Variants in MLIP observed in about 807,000 individuals in gnomAD.
MLIP encodes the protein muscular LMNA-interacting protein.
MLIP carries 79 observed loss-of-function variants against 84.8 expected under a neutral mutation model. The ratio of observed to expected loss-of-function variants is 0.93; its 90% CI spans 0.78 to 1.12. The LOEUF (loss-of-function observed/expected upper bound fraction) is 1.12. Ranked by LOEUF, MLIP falls within the 50% of genes most tolerant of loss-of-function variation. The probability of loss-of-function intolerance (pLI) is 0.00; values close to 1 mark genes in which losing one functional copy is unlikely to be tolerated. For missense variants in MLIP, 1,257 were observed against 1,160.6 expected (o/e 1.08, Z -1.21); for synonymous variants, 504 against 463.0 (o/e 1.09, Z -1.14).
At chr6:54,153,382 G>C (rs1365006652) in intron 5 of MLIP, among the ~76,000 whole-genome samples, 1 of 151,972 alleles carries the variant, frequency 6.6e-6, no homozygotes, top group Non-Finnish European at 1.5e-5. Context: ...GCCCAGGCTA[G>C]ATTTGAAATT....
At chr6:54,026,897 T>C (rs1349784214) in intron 1 of MLIP, among the ~76,000 whole-genome samples, 1 of 152,190 alleles carries the variant, frequency 6.6e-6, no homozygotes, top group Non-Finnish European at 1.5e-5. Context: ...CACTTAACCT[T>C]TGGCTTCTTT....
At chr6:54,145,608 C>T (rs1051934213) in intron 4 of MLIP, among the ~76,000 whole-genome samples, 2 of 148,944 alleles carry the variant, frequency 1.3e-5, no homozygotes, top group Admixed American at 1.4e-4. Context: ...CCCATCTCTA[C>T]AAAAAAAATA....
intron 1 of MLIP, among the ~76,000 whole-genome samples, chr6:54,084,446 G>T (rs1767357495): frequency 6.6e-6 from 1 of 152,110 alleles, no homozygotes; most frequent in Admixed American, 6.5e-5. Context: ...GCAAGGCATT[G>T]CTCTTGCAAT....
At chr6:54,059,244 C>T (rs888351772) in intron 1 of MLIP, among the ~76,000 whole-genome samples, 23 of 152,170 alleles carry the variant, frequency 1.5e-4, no homozygotes, top group African/African-American at 5.3e-4. Flanking sequence ...AAAGACTACA[C>T]TTAGGGCTCA....
At chr6:54,043,487 T>C (rs1184078969) in intron 1 of MLIP, 1 of 152,272 alleles carries the variant, frequency 6.6e-6, no homozygotes, top group Non-Finnish European at 1.5e-5. Context: ...CTACATGTTT[T>C]CGTTCTTGCC....
intron 11 of MLIP, among the ~76,000 whole-genome samples, chr6:54,206,856 C>T (rs905513993): frequency 6.6e-6 from 1 of 152,216 alleles, no homozygotes; most frequent in Non-Finnish European, 1.5e-5. Context: ...CTTTTACTCT[C>T]TCTGAAAAAC....
chr6:54,252,004 CAT>C (rs538293281), intron 12 of MLIP, among the ~76,000 whole-genome samples: 1 of 48,264 alleles, frequency 2.1e-5, no homozygotes, highest in Non-Finnish European at 2.9e-5. Flanking sequence ...TATATTATAA[CAT>C]AATATATAAT....
intron 1 of MLIP, among the ~76,000 whole-genome samples, chr6:54,072,986 T>C (rs1766577410): frequency 6.6e-6 from 1 of 152,198 alleles, no homozygotes; most frequent in Non-Finnish European, 1.5e-5. Context: ...GAAATTTCTG[T>C]AGACTTTTGC....
At chr6:54,034,373 T>C (rs772351947) in intron 1 of MLIP, among the ~76,000 whole-genome samples, 69 of 152,298 alleles carry the variant, frequency 4.5e-4, no homozygotes, top group Non-Finnish European at 8.2e-4. Flanking sequence ...TGCAGTCATG[T>C]GCTGTATGAT....
intron 9 of MLIP, among the ~76,000 whole-genome samples, chr6:54,170,250 T>C (rs1775638098): frequency 6.6e-6 from 1 of 151,776 alleles, no homozygotes; most frequent in African/African-American, 2.4e-5. Flanking sequence ...GTGTTTAGTG[T>C]TAAGTCTAAA....
intron 1 of MLIP, among the ~76,000 whole-genome samples, chr6:54,092,695 G>A (rs1023749015): frequency 2.5e-4 from 38 of 151,630 alleles, no homozygotes; most frequent in Non-Finnish European, 2.6e-4. Flanking sequence ...ATATTTAAAT[G>A]GTTTTAATAT....
At chr6:54,218,814 C>T (rs1283449245) in intron 11 of MLIP, among the ~76,000 whole-genome samples, 1 of 151,794 alleles carries the variant, frequency 6.6e-6, no homozygotes, top group Non-Finnish European at 1.5e-5. Flanking sequence ...CCACAACTGG[C>T]CACATTTTCT....
At chr6:54,225,199 AT>A (rs1780494744) in intron 11 of MLIP, among the ~76,000 whole-genome samples, 1 of 152,128 alleles carries the variant, frequency 6.6e-6, no homozygotes, top group Admixed American at 6.6e-5. Context: ...AGTTAGGGGA[AT>A]TCTTTTTTGC....
chr6:54,053,486 G>A (rs1288813267), intron 1 of MLIP, among the ~76,000 whole-genome samples: 2 of 152,054 alleles, frequency 1.3e-5, no homozygotes, highest in Non-Finnish European at 1.5e-5. Flanking sequence ...ACTTACATAG[G>A]CAGGGACTTG....
At chr6:54,118,153 A>T (rs529227973) in intron 1 of MLIP, among the ~76,000 whole-genome samples, 50 of 152,250 alleles carry the variant, frequency 3.3e-4, no homozygotes, top group Non-Finnish European at 6.3e-4. Flanking sequence ...GACATTCTTC[A>T]CAGAATTAAA....
intron 13 of MLIP, among the ~76,000 whole-genome samples, chr6:54,259,879 T>G (rs886747356): frequency 2.0e-5 from 3 of 151,914 alleles, no homozygotes; most frequent in African/African-American, 7.2e-5. Flanking sequence ...GACCAATATA[T>G]TTCCCCCAAA....
chr6:54,238,374 C>T (rs972085124), intron 12 of MLIP, among the ~76,000 whole-genome samples: 7 of 152,186 alleles, frequency 4.6e-5, no homozygotes, highest in African/African-American at 1.4e-4. Context: ...TTTTAAGTCA[C>T]CCTAAAATTC....
At chr6:54,172,026 C>T (rs993378200) in intron 9 of MLIP, among the ~76,000 whole-genome samples, 23 of 151,572 alleles carry the variant, frequency 1.5e-4, no homozygotes, top group African/African-American at 5.5e-4. Flanking sequence ...GTGCAGGTTA[C>T]CAACTCCTAT....
chr6:54,231,773 C>G (rs1781020559), intron 12 of MLIP, among the ~76,000 whole-genome samples: 1 of 152,132 alleles, frequency 6.6e-6, no homozygotes, highest in South Asian at 2.1e-4. Flanking sequence ...TTAAATACAT[C>G]TCTATACTTA....
Sources: gnomAD v4.1 joint callset for allele counts (sites outside exome capture counted in the v4.1 genomes callset) on GRCh38, gnomAD v4.1.1 for gene constraint, MANE v1.5 for transcripts, NCBI Gene and HGNC (gene_info 2026-07-23, HGNC 2026-07-21) for gene names.